Variants in HR observed in about 807,000 individuals in gnomAD.
The protein encoded by HR is lysine-specific demethylase hairless.
Under a neutral mutation model 128.6 loss-of-function variants are expected in HR, and 83 were observed. The observed-to-expected ratio is 0.65, with a 90% confidence interval of 0.54 to 0.77. The LOEUF (loss-of-function observed/expected upper bound fraction) is 0.77, where lower values mean the gene tolerates loss of function less well. Among genes scored for constraint, HR ranks in the 30% least tolerant of loss-of-function variants. The probability of loss-of-function intolerance (pLI) is 0.00; values close to 1 mark genes in which losing one functional copy is unlikely to be tolerated. For synonymous variants in HR, 681 were observed against 658.2 expected, an observed-to-expected ratio of 1.03 and a Z score of -0.53; for missense variants, 1,490 against 1,574.6, an observed-to-expected ratio of 0.95 and a Z score of 0.91.
intron 3 of HR, among the ~76,000 whole-genome samples, chr8:22,126,492 G>A (rs1317041086): frequency 1.3e-5 from 2 of 152,210 alleles, no homozygotes; most frequent in East Asian, 1.9e-4. Context: ...CATTCCTGGC[G>A]CAGGACAAGG....
rs745869078 is a variant in HR, at chr8:22,123,701, C to T, written c.1863G>A (p.Leu621=). 8.3e-6 allele frequency: 13 copies of T among 1,564,780 alleles called. No homozygotes were observed. In the African/African-American group the frequency reaches 9.5e-5, roughly 11 times the overall value. The change falls in exon 6 of 19, where the codon CTG becomes CTA. Residue 621 remains leucine (L), a synonymous_variant. Coordinates refer to ENST00000381418, the MANE Select transcript of HR (RefSeq NM_005144.5). The stretch of plus-strand genomic sequence containing the variant: ...CTGCCACACGACCACAGGCCACACA[C>T]AGCCGGTGGCTGCAGCGGGGACATC... ...HWRCPRCSHR[L]CVACGRVAGT...
chr8:22,116,796 T>G lies in HR; in HGVS notation c.3378+79A>C. The G allele has an allele frequency of 2.0e-6, 3 of 1,494,564 alleles. No individual in the cohort carries two copies. Among genetic ancestry groups the G allele is most frequent in the Non-Finnish European group, 2.7e-6 (3 of 1,107,878 alleles). 92.6% of individuals were successfully genotyped at this position (1,494,564 alleles called of 1,614,324 possible). ...GCCCGGCTCTTGGGTATTGAGGGGA[T>G]GTTGGATGCCTGCGGCCTTGATTGG... On this transcript the variant is annotated intron_variant, in intron 17 of 18. Transcript: ENST00000381418. This position sits in a 1 kb window ranked among gnomAD's most constrained non-coding sequence, Gnocchi z 4.2.
chr8:22,127,171 C>T lies in HR; in HGVS notation c.1271G>A (p.Gly424Asp). ...AGSPEVQGAM[G>D]SPAPKRPPDP... is the part of the protein sequence containing the mutation. Reference sequence around the variant, plus strand: ...CGGTGGCCGCTTGGGGGCTGGACTGCCCATTGCTCCCTGGACCTCGGGGCT... The same window carrying T: ...CGGTGGCCGCTTGGGGGCTGGACTGTCCATTGCTCCCTGGACCTCGGGGCT... The change falls in exon 3 of 19, where the codon GGC becomes GAC. Residue 424 changes from glycine (G) to aspartate (D), a missense_variant. Gly to Asp is a moderately conservative substitution (Grantham distance 94). Around this residue, in one of 3 missense-constraint regions of HR, gnomAD observed 1,060 missense variants for 1,060.9 expected, o/e 1.00. Transcript: ENST00000381418. The T allele has an allele frequency of 1.2e-6, 2 of 1,612,850 alleles. No individual in the cohort carries two copies. The highest frequency in any genetic ancestry group is 1.7e-6 in the Non-Finnish European group (2 of 1,179,934).
Position 22,116,262 on chromosome 8 carries a change from G to A in HR, c.3507+38C>T, listed in dbSNP as rs1414971581. 6.2e-7 allele frequency: 1 copy of A among 1,611,222 alleles called. No homozygotes were observed. The highest frequency in any genetic ancestry group is 1.1e-5 in the South Asian group (1 of 90,890). ...GTGGCACAGGGAGGTGGGAGGCTTG[G>A]GTAGCACACCCAGCCTGCTGGCCCA... On this transcript the variant is annotated intron_variant, in intron 18 of 18. Transcript: ENST00000381418. This position sits in a 1 kb window ranked among gnomAD's most constrained non-coding sequence, Gnocchi z 4.2.
chr8:22,118,964 G>A lies in HR; in HGVS notation c.3199C>T (p.Arg1067Cys), dbSNP rs143696873. The A allele has an allele frequency of 9.7e-5, 156 of 1,611,626 alleles. 1 individual carries two copies. Among genetic ancestry groups the A allele is most frequent in the South Asian group, 4.1e-4 (37 of 91,024 alleles). ...FRAQDAQRIR[R>C]FLQMVCPAGA... ...TGCCTCCTCACCATCTGGAGAAAGC[G>A]GCGGATGCGCTGGGCGTCCTGTGCC... Residue 1067 changes from arginine (R) to cysteine (C), a missense_variant, in exon 16 of 19, where the codon CGC becomes TGC. Transcript: ENST00000381418.
intron 5 of HR, 123 bp from the exon 6 acceptor site, chr8:22,123,936 C>G: frequency 8.5e-7 from 1 of 1,171,344 alleles, no homozygotes; most frequent in Non-Finnish European, 1.2e-6. Context: ...GGAGAGGGCC[C>G]CCCCAGGGAA....
chr8:22,120,352 G>A lies in HR; in HGVS notation c.2766C>T (p.Ser922=). The change falls in exon 12 of 19, where the codon TCC becomes TCT. Residue 922 remains serine, a synonymous_variant. Coordinates refer to ENST00000381418, the MANE Select transcript of HR (RefSeq NM_005144.5). ...LGSTTFWEGF[S]WPELRPKSDE... is the part of the protein sequence containing the mutation. ...GTTGGGGACACTTACGCTCAGGCCA[G>A]GAGAAGCCCTCCCAGAATGTTGTGC... The A allele has an allele frequency of 1.9e-6, 3 of 1,613,826 alleles. No homozygotes were observed. The highest frequency in any genetic ancestry group is 2.5e-6 in the Non-Finnish European group (3 of 1,180,006).
chr8:22,124,728 GAC>G (rs1312472604), intron 5 of HR, among the ~76,000 whole-genome samples: 1 of 152,210 alleles, frequency 6.6e-6, no homozygotes, highest in Non-Finnish European at 1.5e-5. Context: ...GGGCATTCCA[GAC>G]ACAGGGACAG....
intron 5 of HR, 32 bp from the exon 6 acceptor site, chr8:22,123,845 G>A: frequency 6.3e-7 from 1 of 1,580,572 alleles, no homozygotes; most frequent in Non-Finnish European, 8.6e-7. Flanking sequence ...GGGTCAGAGG[G>A]TGAAGGCAAC....
intron 2 of HR, chr8:22,128,213 C>A: frequency 1.9e-6 from 1 of 514,582 alleles, no homozygotes. Context: ...CATGGGGTCC[C>A]CTGCACATCC....
At chr8:22,122,919 AAGGTAATC>A in intron 6 of HR, 40 bp from the exon 7 acceptor site, 3 of 1,534,914 alleles carry the variant, frequency 2.0e-6, no homozygotes, top group Non-Finnish European at 2.6e-6. Context: ...TCCAGAAATC[AAGGTAATC>A]ACAGGTTAAG....
At chr8:22,125,937 C>T (rs1418399241) in intron 3 of HR, among the ~76,000 whole-genome samples, 2 of 152,196 alleles carry the variant, frequency 1.3e-5, no homozygotes, top group South Asian at 2.1e-4. Flanking sequence ...CTGAGGATGC[C>T]GTGACATGGA....
In HR at chr8:22,127,551, T is replaced by A; in HGVS notation, c.891A>T (p.Pro297=). 6.2e-7 allele frequency: 1 copy of A among 1,613,096 alleles called. No homozygotes were observed. ...VHTLGNVWAG[P]GDGNLGYQLG... is the part of the protein sequence containing the mutation. ...GCTGGTACCCAAGGTTCCCATCGCC[T>A]GGCCCAGCCCAGACGTTGCCAAGAG... Residue 297 remains proline (P), a synonymous_variant, in exon 3 of 19, where the codon CCA becomes CCT. Coordinates refer to ENST00000381418, the MANE Select transcript of HR (RefSeq NM_005144.5).
At chr8:22,119,691 C>T (rs940013895) in intron 14 of HR, 69 bp downstream of exon 14, 78 of 1,529,756 alleles carry the variant, frequency 5.1e-5, no homozygotes, top group Admixed American at 6.1e-5. Flanking sequence ...CACAGACGCT[C>T]GTGTGCCCCG....
In HR at chr8:22,129,107, C is replaced by A. The variant is rs202236037; in HGVS notation, c.64G>T (p.Gly22Cys). The A allele has an allele frequency of 1.3e-6, 2 of 1,569,268 alleles. No individual in the cohort carries two copies. The highest frequency in any genetic ancestry group is 1.7e-6 in the Non-Finnish European group (2 of 1,160,124). The change falls in exon 2 of 19, where the codon GGC (glycine) becomes TGC (cysteine). Residue 22 changes from glycine to cysteine, a missense_variant. Gly to Cys is a radical substitution (Grantham distance 159). This residue lies in a region of HR where 1,060 missense variants were observed against 1,060.9 expected (regional missense o/e 1.00). Coordinates refer to ENST00000381418, the MANE Select transcript of HR (RefSeq NM_005144.5). Reference sequence around the variant, plus strand: ...CTGCCGGGCTCCTGTCTCACGATGCCGTTCTCTGGGGCCGTCTTCTCCCAG... The same window carrying A: ...CTGCCGGGCTCCTGTCTCACGATGCAGTTCTCTGGGGCCGTCTTCTCCCAG... ...PTWEKTAPEN[G>C]IVRQEPGSPP...
Position 22,119,154 on chromosome 8 carries a change from G to C in HR, c.3097+10C>G. 6.2e-7 allele frequency: 1 copy of C among 1,613,758 alleles called. No homozygotes were observed. The highest frequency in any genetic ancestry group is 8.5e-7 in the Non-Finnish European group (1 of 1,180,010). On this transcript the variant is annotated intron_variant, in intron 15 of 18. Coordinates refer to ENST00000381418, the MANE Select transcript of HR (RefSeq NM_005144.5). ...CTTGTCCCCGCTCCTGCCTCTGGCC[G>C]AGGACCTACCTTTCTGTGCCCGGTG...
intron 8 of HR, 132 bp from the exon 9 acceptor site, chr8:22,121,826 C>A: frequency 1.1e-6 from 1 of 880,638 alleles, no homozygotes; most frequent in South Asian, 1.4e-5. Context: ...GAGCAAAATG[C>A]CATAGGATAT....
chr8:22,123,616 A>AGGGGGGGCCCCCCCC, intron 6 of HR, 33 bp downstream of exon 6: 2 of 562,348 alleles, frequency 3.6e-6, no homozygotes, highest in Non-Finnish European at 6.0e-6. Flanking sequence ...TGAGGGCTCC[A>AGGGGGGGCCCCCCCC]TCCCGCCCTC....
At chr8:22,121,552 G>T in intron 9 of HR, 61 bp downstream of exon 9, 1 of 1,564,272 alleles carries the variant, frequency 6.4e-7, no homozygotes, top group Non-Finnish European at 8.8e-7. Flanking sequence ...GTCCCCTCCT[G>T]CCTCAAACTC....
Sources: gnomAD v4.1 joint callset for allele counts (sites outside exome capture counted in the v4.1 genomes callset) on GRCh38, gnomAD v4.1.1 for gene constraint, gnomAD v4.1.1 regional missense constraint, Gnocchi (gnomAD v3.1) non-coding constraint, MANE v1.5 for transcripts, NCBI Gene and HGNC (gene_info 2026-07-23, HGNC 2026-07-21) for gene names.